The following TVP23B variants were observed in gnomAD, a reference collection of about 807,000 sequenced individuals.
The protein encoded by TVP23B is trans-golgi network vesicle protein 23 homolog B.
A neutral mutation model predicts 30.6 loss-of-function variants in TVP23B; 10 were observed. The observed-to-expected ratio is 0.33, with a 90% confidence interval of 0.20 to 0.55. The LOEUF (loss-of-function observed/expected upper bound fraction) is 0.55. Among genes scored for constraint, TVP23B ranks in the 20% least tolerant of loss-of-function variants. The pLI is 0.91. For missense variants in TVP23B, 153 were observed against 243.2 expected, an observed-to-expected ratio of 0.63 and a Z score of 2.47; for synonymous variants, 67 against 83.1, an observed-to-expected ratio of 0.81 and a Z score of 1.06.
chr17:18,783,611 A>G (rs749473504), intron 1 of TVP23B, among the ~76,000 whole-genome samples: 2 of 152,198 alleles, frequency 1.3e-5, no homozygotes, highest in African/African-American at 4.8e-5. Context: ...GTCGGAAGAC[A>G]ATTTTCACAC....
chr17:18,788,831 A>AGT (rs2035949848), intron 1 of TVP23B, among the ~76,000 whole-genome samples: 1 of 152,108 alleles, frequency 6.6e-6, no homozygotes, highest in Non-Finnish European at 1.5e-5. Flanking sequence ...GATAGAAGAA[A>AGT]GTGTAAATAC....
intron 3 of TVP23B, among the ~76,000 whole-genome samples, chr17:18,793,119 C>T (rs1227326919): frequency 1.3e-5 from 2 of 152,008 alleles, no homozygotes; most frequent in Non-Finnish European, 2.9e-5. Context: ...TCAAAGCTGT[C>T]CTGGGCAGCA....
intron 4 of TVP23B, 103 bp downstream of exon 4, chr17:18,797,771 C>T: frequency 9.8e-7 from 1 of 1,020,122 alleles, no homozygotes; most frequent in Admixed American, 2.9e-5. Context: ...AACACTATAC[C>T]AAATCACTTG....
intron 5 of TVP23B, chr17:18,799,154 G>C (rs974519174): frequency 4.5e-5 from 10 of 224,480 alleles, no homozygotes; most frequent in Non-Finnish European, 7.5e-5. Context: ...CAGTTTTCTA[G>C]ATTATTAGTG....
intron 5 of TVP23B, among the ~76,000 whole-genome samples, chr17:18,802,020 A>C (rs1356546630): frequency 6.6e-6 from 1 of 152,112 alleles, no homozygotes; most frequent in African/African-American, 2.4e-5. Context: ...CAGGAGATCG[A>C]GACCATCCTG....
intron 4 of TVP23B, among the ~76,000 whole-genome samples, chr17:18,797,947 C>A (rs1220573569): frequency 1.3e-5 from 2 of 150,982 alleles, no homozygotes; most frequent in East Asian, 1.9e-4. Flanking sequence ...GATAAAAGAT[C>A]TCTGTGTTGC....
At chr17:18,790,186 T>A (rs1263699177) in intron 2 of TVP23B, among the ~76,000 whole-genome samples, 2 of 152,150 alleles carry the variant, frequency 1.3e-5, no homozygotes. Flanking sequence ...AGAAACAGGC[T>A]GGGCACGATG....
intron 6 of TVP23B, 91 bp downstream of exon 6, chr17:18,804,357 T>A: frequency 7.0e-7 from 1 of 1,434,846 alleles, no homozygotes; most frequent in South Asian, 1.4e-5. Context: ...AACAGAAGTT[T>A]TAAAGGCATA....
intron 1 of TVP23B, among the ~76,000 whole-genome samples, chr17:18,787,083 T>G (rs1282043810): frequency 1.3e-5 from 2 of 151,044 alleles, no homozygotes; most frequent in African/African-American, 4.9e-5. Flanking sequence ...TGCTAGACAC[T>G]AGGATTTACT....
intron 3 of TVP23B, among the ~76,000 whole-genome samples, chr17:18,791,812 AATAG>A (rs1459980821): frequency 6.6e-6 from 1 of 152,008 alleles, no homozygotes; most frequent in Non-Finnish European, 1.5e-5. Context: ...GTACATAATA[AATAG>A]ATAAGTAAGC....
At chr17:18,783,937 G>A (rs916877436) in intron 1 of TVP23B, among the ~76,000 whole-genome samples, 4 of 152,120 alleles carry the variant, frequency 2.6e-5, no homozygotes, top group African/African-American at 9.7e-5. Flanking sequence ...ACGAGGTCAG[G>A]AGATCGAGAC....
chr17:18,798,706 G>T (rs2036112585), intron 4 of TVP23B, 106 bp from the exon 5 acceptor site: 3 of 1,448,992 alleles, frequency 2.1e-6, no homozygotes, highest in Non-Finnish European at 9.3e-7. Flanking sequence ...GTTGGGCTGT[G>T]TGTATTAATA....
rs552505832 is a variant in TVP23B at position 18,787,798 on chromosome 17, G to A, written c.13-1555G>A. ...GGCATTAGATTCTGTGATCTTCTAT[G>A]CTTTATGTGAAGGAGTTAAATTTTA... is the stretch of plus-strand genomic sequence containing the variant. On this transcript the variant is annotated intron_variant, in intron 1 of 6. Transcript: ENST00000307767. Among the ~76,000 whole-genome samples, 257 of 152,004 alleles carry A rather than the reference G, an allele frequency of 1.7e-3. 1 individual carries two copies. The highest frequency in any genetic ancestry group is 0.01 in the Middle Eastern group (3 of 294).
At chr17:18,786,592 C>T (rs1278131706) in intron 1 of TVP23B, among the ~76,000 whole-genome samples, 1 of 152,246 alleles carries the variant, frequency 6.6e-6, no homozygotes, top group Non-Finnish European at 1.5e-5. Context: ...GTTATGATCA[C>T]ACCTCAAAGC....
chr17:18,791,681 T>A (rs1284074147), intron 3 of TVP23B, among the ~76,000 whole-genome samples: 1 of 151,966 alleles, frequency 6.6e-6, no homozygotes, highest in African/African-American at 2.4e-5. Context: ...AAGAACTACC[T>A]GACCCAAAAT....
chr17:18,786,730 C>A (rs996240834), intron 1 of TVP23B, among the ~76,000 whole-genome samples: 5 of 152,048 alleles, frequency 3.3e-5, no homozygotes, highest in Admixed American at 6.5e-5. Context: ...AGATCTGAAT[C>A]CATTTTACCT....
chr17:18,803,222 G>A (rs1459243111), intron 5 of TVP23B, among the ~76,000 whole-genome samples: 3 of 152,012 alleles, frequency 2.0e-5, no homozygotes, highest in Non-Finnish European at 4.4e-5. Flanking sequence ...ACTATGGCCT[G>A]CAGACCAAAT....
chr17:18,789,186 G>A (rs895128680), intron 1 of TVP23B, 167 bp from the exon 2 acceptor site: 1 of 1,041,700 alleles, frequency 9.6e-7, no homozygotes, highest in Non-Finnish European at 1.4e-6. Flanking sequence ...ATGATTTGAG[G>A]AGGCGGGTGG....
intron 6 of TVP23B, 77 bp downstream of exon 6, chr17:18,804,343 C>T (rs1389982050): frequency 6.7e-7 from 1 of 1,485,750 alleles, no homozygotes; most frequent in Non-Finnish European, 9.1e-7. Context: ...ATGAAACGCT[C>T]CTGAACAGAA....
Sources: allele counts gnomAD v4.1 joint callset (sites outside exome capture counted in the v4.1 genomes callset), GRCh38; gene constraint gnomAD v4.1.1; transcripts MANE v1.5; gene names NCBI Gene and HGNC (gene_info 2026-07-23, HGNC 2026-07-21).